DLGAP1: variants seen among roughly 807,000 people sequenced by gnomAD.
The protein encoded by DLGAP1 is disks large-associated protein 1.
A neutral mutation model predicts 90.8 loss-of-function variants in DLGAP1; 11 were observed. The ratio of observed to expected loss-of-function variants is 0.12; its 90% confidence interval spans 0.08 to 0.20. DLGAP1 has a LOEUF of 0.20. DLGAP1 is among the 10% of genes least tolerant of loss of function. DLGAP1 has a pLI of 1.00. For missense variants in DLGAP1, 1,050 were observed against 1,333.8 expected, an observed-to-expected ratio of 0.79 and a Z score of 3.31; for synonymous variants, 558 against 540.7, an observed-to-expected ratio of 1.03 and a Z score of -0.44.
chr18:3,755,592 A>C (rs2063686788), intron 5 of DLGAP1, among the ~76,000 whole-genome samples: 1 of 152,248 alleles, frequency 6.6e-6, no homozygotes, highest in African/African-American at 2.4e-5. Context: ...GTCTTATAAC[A>C]ACAAAAGTCT....
intron 7 of DLGAP1, among the ~76,000 whole-genome samples, chr18:3,685,635 T>C (rs1269101625): frequency 6.8e-6 from 1 of 147,978 alleles, no homozygotes; most frequent in Non-Finnish European, 1.5e-5. Flanking sequence ...TTTGTAGAGA[T>C]GGGGATCTCA....
Position 3,874,869 on chromosome 18 carries a change from A to G in DLGAP1, c.957+4243T>C, listed in dbSNP as rs369178734. 134 of 963,924 alleles carry G rather than the reference A, an allele frequency of 1.4e-4. 1 individual carries two copies. In the East Asian group the frequency reaches 1.7e-3, roughly 12 times the overall value. The allele number at this position is 963,924 out of a possible 1,614,324, so 59.7% of individuals were successfully genotyped here. On this transcript the variant is annotated intron_variant, in intron 4 of 12. Transcript: ENST00000315677. ...GCTTGTGAGTGAGCACTTATCACTC[A>G]TAATACAATTGACCGTATTAACTGG... is the stretch of plus-strand genomic sequence containing the variant.
At chr18:4,331,527 C>T (rs536130774) in intron 1 of DLGAP1, among the ~76,000 whole-genome samples, 1 of 151,868 alleles carries the variant, frequency 6.6e-6, no homozygotes, top group East Asian at 1.9e-4. Flanking sequence ...CATGCCATTT[C>T]TTGTACCAGC....
At chr18:4,343,288 C>T (rs1598946088) in intron 1 of DLGAP1, among the ~76,000 whole-genome samples, 1 of 136,106 alleles carries the variant, frequency 7.3e-6, no homozygotes, top group Non-Finnish European at 1.5e-5. Context: ...GCCTGGGCGA[C>T]AGAGCAACAC....
chr18:3,970,405 T>A (rs2073421317), intron 3 of DLGAP1, among the ~76,000 whole-genome samples: 2 of 152,178 alleles, frequency 1.3e-5, no homozygotes, highest in African/African-American at 4.8e-5. Context: ...TTTGTAGCAC[T>A]AATAATAAAA....
intron 2 of DLGAP1, among the ~76,000 whole-genome samples, chr18:4,139,921 G>A (rs551443673): frequency 6.6e-6 from 1 of 151,748 alleles, no homozygotes; most frequent in Non-Finnish European, 1.5e-5. Flanking sequence ...TATAACTATA[G>A]CTACTCCTGT....
chr18:4,074,089 G>T (rs1200827984), intron 2 of DLGAP1, among the ~76,000 whole-genome samples: 1 of 152,042 alleles, frequency 6.6e-6, no homozygotes, highest in African/African-American at 2.4e-5. Context: ...ACTTTATAAA[G>T]CTTGACATAC....
chr18:4,168,847 T>C (rs2144568329), intron 1 of DLGAP1, among the ~76,000 whole-genome samples: 1 of 152,302 alleles, frequency 6.6e-6, no homozygotes, highest in African/African-American at 2.4e-5. Context: ...GCCTTCCAAG[T>C]AGCTGGAACT....
chr18:4,101,023 G>A (rs182254635), intron 2 of DLGAP1, among the ~76,000 whole-genome samples: 1 of 152,136 alleles, frequency 6.6e-6, no homozygotes, highest in Non-Finnish European at 1.5e-5. Context: ...CTTTCTTAAT[G>A]CTTGTGCATT....
intron 1 of DLGAP1, among the ~76,000 whole-genome samples, chr18:4,244,353 C>A (rs969893149): frequency 9.2e-5 from 14 of 152,114 alleles, no homozygotes; most frequent in Admixed American, 7.2e-4. Flanking sequence ...TTAATAACAT[C>A]TTTTAATTTC....
chr18:4,195,337 C>T (rs1546707), intron 1 of DLGAP1, among the ~76,000 whole-genome samples: 21,947 of 151,942 alleles, frequency 0.14, 1,712 homozygotes, highest in South Asian at 0.28. Flanking sequence ...GGAAACAATA[C>T]GCATCTTTCA....
At chr18:3,544,849 C>A (rs1026063257) in intron 9 of DLGAP1, among the ~76,000 whole-genome samples, 42 of 152,132 alleles carry the variant, frequency 2.8e-4, no homozygotes, top group African/African-American at 8.4e-4. Context: ...AAGGGATCCT[C>A]CTACCTCAAC....
At position 4,298,847 on chromosome 18, in the gene DLGAP1, C is replaced by T. The variant is rs769829524; in HGVS notation, c.-266-147560G>A. Reference sequence around the variant, plus strand: ...CTGTAATCCCAGCACTTTGGGAGGCCGAGGTGGGTGGATCACGAGGTCAAG... The same window carrying T: ...CTGTAATCCCAGCACTTTGGGAGGCTGAGGTGGGTGGATCACGAGGTCAAG... On this transcript the variant is annotated intron_variant, in intron 1 of 12. Transcript: ENST00000315677. Among the ~76,000 whole-genome samples the T allele has an allele frequency of 4.0e-5, 6 of 151,826 alleles. No homozygotes were observed. In the East Asian group the frequency reaches 5.8e-4, roughly 15 times the overall value.
At chr18:4,292,532 T>C (rs62088062) in intron 1 of DLGAP1, among the ~76,000 whole-genome samples, 11,080 of 152,172 alleles carry the variant, frequency 0.073, 658 homozygotes, top group African/African-American at 0.16. Flanking sequence ...TTTGCTCATA[T>C]TATAATATAC....
intron 1 of DLGAP1, among the ~76,000 whole-genome samples, chr18:4,196,283 T>C (rs1400086324): frequency 6.6e-6 from 1 of 152,076 alleles, no homozygotes; most frequent in African/African-American, 2.4e-5. Context: ...TAAGAGAACA[T>C]AAGGGTGGAA....
intron 1 of DLGAP1, among the ~76,000 whole-genome samples, chr18:4,377,585 T>C (rs1227452879): frequency 6.6e-6 from 1 of 152,176 alleles, no homozygotes; most frequent in Admixed American, 6.6e-5. Context: ...TAACTTAATC[T>C]TCAGTCACTT....
At chr18:4,304,010 T>G (rs1488357338) in intron 1 of DLGAP1, among the ~76,000 whole-genome samples, 3 of 152,220 alleles carry the variant, frequency 2.0e-5, no homozygotes, top group Non-Finnish European at 2.9e-5. Context: ...TTTTAACTAT[T>G]TCCCAATTGA....
At chr18:4,279,109 A>C (rs1436801826) in intron 1 of DLGAP1, among the ~76,000 whole-genome samples, 1 of 152,236 alleles carries the variant, frequency 6.6e-6, no homozygotes, top group African/African-American at 2.4e-5. Context: ...ATGCAGAACA[A>C]GCGCTGGACT....
chr18:4,429,465 T>A (rs188197661), intron 1 of DLGAP1, among the ~76,000 whole-genome samples: 1 of 152,340 alleles, frequency 6.6e-6, no homozygotes, highest in African/African-American at 2.4e-5. Context: ...CTTATAACAT[T>A]GTACATGCAT....
Sources: allele counts gnomAD v4.1 joint callset (sites outside exome capture counted in the v4.1 genomes callset), GRCh38; gene constraint gnomAD v4.1.1; transcripts MANE v1.5; gene names NCBI Gene and HGNC (gene_info 2026-07-23, HGNC 2026-07-21).